The following TMEM182 variants were observed in gnomAD, a reference collection of about 807,000 sequenced individuals.
TMEM182 encodes the protein transmembrane protein 182.
A neutral mutation model predicts 26.8 loss-of-function variants in TMEM182; 20 were observed. That is an observed-to-expected ratio of 0.75 (90% CI 0.53 to 1.09). The LOEUF (loss-of-function observed/expected upper bound fraction) is 1.09. Ranked by LOEUF, TMEM182 falls within the 50% of genes least tolerant of loss-of-function variation. The pLI, the probability that TMEM182 is intolerant of heterozygous loss-of-function variation, is 0.00. For synonymous variants in TMEM182, 109 were observed against 102.2 expected, an observed-to-expected ratio of 1.07 and a Z score of -0.40; for missense variants, 277 against 275.5, an observed-to-expected ratio of 1.01 and a Z score of -0.04.
At chr2:102,830,818 C>T (rs766762598) in intron 3 of TMEM182, among the ~76,000 whole-genome samples, 4 of 151,588 alleles carry the variant, frequency 2.6e-5, no homozygotes, top group Non-Finnish European at 4.4e-5. Flanking sequence ...TTTTTCATAC[C>T]CATTAACCAT....
rs1293084458 is a variant in TMEM182 at position 102,816,761 on chromosome 2, G to A, written c.*1793G>A. Reference sequence around the variant, plus strand: ...TGGCATGCCATTAAGTTTTCCAGACGATGTTGGATGTATCTGATTAGTTCA... The same window carrying A: ...TGGCATGCCATTAAGTTTTCCAGACAATGTTGGATGTATCTGATTAGTTCA... On this transcript the variant is annotated 3_prime_UTR_variant, in exon 5 of 5. Transcript: ENST00000412401. 9 of 985,628 alleles carry A rather than the reference G, an allele frequency of 9.1e-6. No homozygotes were observed. The highest frequency in any genetic ancestry group is 1.0e-3 in the Middle Eastern group (2 of 1,936). The allele number at this position is 985,628 out of a possible 1,614,324, so 61.1% of individuals were successfully genotyped here.
At chr2:102,818,361 C>T (rs143503632), downstream of TMEM182, among the ~76,000 whole-genome samples, 6 of 152,086 alleles carry the variant, frequency 3.9e-5, no homozygotes, top group East Asian at 1.9e-4. Context: ...TAGTATCTTT[C>T]GTATTATAAT....
intron 3 of TMEM182, among the ~76,000 whole-genome samples, chr2:102,825,360 G>T (rs1259086408): frequency 6.6e-6 from 1 of 152,170 alleles, no homozygotes; most frequent in Admixed American, 6.5e-5. Context: ...GTTCTAATAG[G>T]TAACAAGAAG....
upstream of TMEM182, among the ~76,000 whole-genome samples, chr2:102,759,532 C>T (rs776027404): frequency 3.3e-5 from 5 of 152,184 alleles, no homozygotes; most frequent in South Asian, 6.2e-4. Flanking sequence ...CCACAATAAG[C>T]ACTTCTGAAG....
intron 3 of TMEM182, among the ~76,000 whole-genome samples, chr2:102,792,016 A>C (rs1573539627): frequency 7.0e-6 from 1 of 143,554 alleles, no homozygotes; most frequent in Non-Finnish European, 1.5e-5. Context: ...ACCTAAAAAT[A>C]TATATATAAT....
chr2:102,812,765 A>G (rs969520611), intron 4 of TMEM182, among the ~76,000 whole-genome samples: 1 of 152,248 alleles, frequency 6.6e-6, no homozygotes, highest in Non-Finnish European at 1.5e-5. Context: ...AGAGAGTCAC[A>G]TGATGCAAGG....
intron 3 of TMEM182, among the ~76,000 whole-genome samples, chr2:102,826,923 T>G (rs970750781): frequency 6.6e-6 from 1 of 152,124 alleles, no homozygotes; most frequent in African/African-American, 2.4e-5. Context: ...AAATCCTAAT[T>G]CAATTAGTGC....
At position 102,817,554 on chromosome 2, in the gene TMEM182, G is replaced by T. The variant is rs1432012912; in HGVS notation, c.*2586G>T. On this transcript the variant is annotated 3_prime_UTR_variant, in exon 5 of 5. Coordinates refer to ENST00000412401, the MANE Select transcript of TMEM182 (RefSeq NM_144632.5). ...GTACAATTTGAGGGTTGATGGTAGG[G>T]CTTTCTAAAAAAAGTAATATCAAGT... 2.0e-6 allele frequency: 2 copies of T among 985,104 alleles called. No homozygotes were observed. Among genetic ancestry groups the T allele is most frequent in the African/African-American group, 3.5e-5 (2 of 57,180 alleles). 61.0% of individuals were successfully genotyped at this position (985,104 alleles called of 1,614,324 possible).
intron 3 of TMEM182, among the ~76,000 whole-genome samples, chr2:102,841,301 A>G (rs1457532784): frequency 1.3e-5 from 2 of 152,140 alleles, no homozygotes; most frequent in Non-Finnish European, 2.9e-5. Context: ...TCCATGTGAT[A>G]CACCAACCGT....
intron 3 of TMEM182, among the ~76,000 whole-genome samples, chr2:102,773,041 A>G (rs1680746635): frequency 6.6e-6 from 1 of 152,014 alleles, no homozygotes; most frequent in Non-Finnish European, 1.5e-5. Context: ...TGTCATTATC[A>G]CTGTCATCCT....
At chr2:102,773,916 A>T (rs1379706430) in intron 3 of TMEM182, among the ~76,000 whole-genome samples, 1 of 152,088 alleles carries the variant, frequency 6.6e-6, no homozygotes, top group Non-Finnish European at 1.5e-5. Context: ...AAAATAAAAC[A>T]CCAAAAAACT....
intron 3 of TMEM182, among the ~76,000 whole-genome samples, chr2:102,839,470 T>TATATATATATATATAA (rs1177507950): frequency 1.4e-5 from 2 of 140,376 alleles, no homozygotes; most frequent in African/African-American, 5.4e-5. Flanking sequence ...TATATATATA[T>TATATATATATATATAA]AATATATACA....
At chr2:102,835,144 T>A (rs1683221121) in intron 3 of TMEM182, among the ~76,000 whole-genome samples, 1 of 152,166 alleles carries the variant, frequency 6.6e-6, no homozygotes, top group African/African-American at 2.4e-5. Context: ...GGAAGAATTA[T>A]GACATCTCTG....
chr2:102,775,896 A>G (rs1680896029), intron 3 of TMEM182, among the ~76,000 whole-genome samples: 1 of 152,126 alleles, frequency 6.6e-6, no homozygotes, highest in Non-Finnish European at 1.5e-5. Flanking sequence ...TAGCACACAA[A>G]TACTATGTGT....
chr2:102,753,484 C>T (rs184080734), intron 1 of TMEM182, among the ~76,000 whole-genome samples: 3 of 152,070 alleles, frequency 2.0e-5, no homozygotes, highest in East Asian at 1.9e-4. Context: ...TAAGGCTATT[C>T]GGCATCAAAT....
At chr2:102,788,912 G>A (rs1681518328) in intron 3 of TMEM182, among the ~76,000 whole-genome samples, 1 of 152,176 alleles carries the variant, frequency 6.6e-6, no homozygotes, top group Admixed American at 6.5e-5. Flanking sequence ...CGATTGTGGG[G>A]TTCAGATGCA....
chr2:102,791,124 C>A (rs960433496), intron 3 of TMEM182, among the ~76,000 whole-genome samples: 2 of 151,978 alleles, frequency 1.3e-5, no homozygotes, highest in African/African-American at 2.4e-5. Context: ...TTTATAGAAA[C>A]GTAATTTCAC....
At chr2:102,834,853 C>A (rs1480293539) in intron 3 of TMEM182, among the ~76,000 whole-genome samples, 1 of 152,168 alleles carries the variant, frequency 6.6e-6, no homozygotes, top group Non-Finnish European at 1.5e-5. Context: ...CCGGTTGTTA[C>A]CTTAGGAATA....
intron 3 of TMEM182, among the ~76,000 whole-genome samples, chr2:102,782,420 T>C (rs532642459): frequency 2.0e-5 from 3 of 152,182 alleles, no homozygotes; most frequent in African/African-American, 7.2e-5. Context: ...TAAAAATTAT[T>C]AATACCACAA....
Sources: allele counts gnomAD v4.1 joint callset (sites outside exome capture counted in the v4.1 genomes callset), GRCh38; gene constraint gnomAD v4.1.1; transcripts MANE v1.5; gene names NCBI Gene and HGNC (gene_info 2026-07-23, HGNC 2026-07-21).